PALS1: variants seen among roughly 807,000 people sequenced by gnomAD.
PALS1 encodes protein PALS1.
In PALS1, 31 loss-of-function variants were observed where a neutral mutation model predicts 78.9. That is an observed-to-expected ratio of 0.39 (90% CI 0.30 to 0.53). The LOEUF is 0.53. PALS1 is among the 20% of genes least tolerant of loss of function. The pLI, the probability that PALS1 is intolerant of heterozygous loss-of-function variation, is 0.67. For synonymous variants in PALS1, 276 were observed against 270.9 expected (o/e 1.02, Z -0.18); for missense variants, 704 against 826.5 (o/e 0.85, Z 1.82).
Position 67,243,536 on chromosome 14 carries a change from A to G in PALS1, c.-237+2003A>G, listed in dbSNP as rs929227224. Among the ~76,000 whole-genome samples, 101 of 127,488 alleles carry G rather than the reference A, an allele frequency of 7.9e-4. 5 individuals are homozygous for G. The highest frequency in any genetic ancestry group is 3.1e-5 in the Non-Finnish European group (2 of 63,708). 83.6% of individuals were successfully genotyped at this position (127,488 alleles called of 152,430 possible). A position where few individuals can be genotyped will look rare whatever the true frequency, so the allele number is the denominator to read the frequency against. Reference sequence around the variant, plus strand: ...GAGACGGAGTCTCGCGCTGTCGCCCAGGCTGGAGTGCAGTGGCGCAATCTC... The same window carrying G: ...GAGACGGAGTCTCGCGCTGTCGCCCGGGCTGGAGTGCAGTGGCGCAATCTC... On this transcript the variant is annotated intron_variant, in intron 1 of 14. Transcript: ENST00000261681.
rs371244871 is a variant in PALS1, at chr14:67,302,132, A to G, written c.801+14A>G. Reference sequence around the variant, plus strand: ...GATATTCCGTTGGTAAGTGTCCCACATACTGTTTTTAAACAAGTGCATTTT... The same window carrying G: ...GATATTCCGTTGGTAAGTGTCCCACGTACTGTTTTTAAACAAGTGCATTTT... On this transcript the variant is annotated intron_variant, in intron 6 of 14. Transcript: ENST00000261681. 28 of 1,583,426 alleles carry G rather than the reference A, an allele frequency of 1.8e-5. No individual in the cohort carries two copies. In the African/African-American group the frequency reaches 2.3e-4, roughly 13 times the overall value.
At chr14:67,324,897 A>ATTTTTTTTTT (rs1197663812) in intron 14 of PALS1, among the ~76,000 whole-genome samples, 3 of 76,336 alleles carry the variant, frequency 3.9e-5, no homozygotes, top group East Asian at 4.4e-4. Flanking sequence ...CCTTCCTTTC[A>ATTTTTTTTTT]TTTTTTTTTT....
chr14:67,302,394 A>G lies in PALS1; in HGVS notation c.802-16A>G, dbSNP rs1342173222. On this transcript the variant is annotated splice_polypyrimidine_tract_variant and intron_variant, in intron 6 of 14. Coordinates refer to ENST00000261681, the MANE Select transcript of PALS1 (RefSeq NM_022474.4). ...TATTATTTTTATTTTTAAATTATAC[A>G]TATATATATTTTTAGGGTGCTACAG... 1.4e-6 allele frequency: 2 copies of G among 1,456,842 alleles called. No homozygotes were observed. The highest frequency in any genetic ancestry group is 1.5e-5 in the African/African-American group (1 of 68,256). 90.2% of individuals were successfully genotyped at this position (1,456,842 alleles called of 1,614,324 possible).
intron 2 of PALS1, 144 bp downstream of exon 2, chr14:67,269,927 A>T (rs1051973879): frequency 1.3e-5 from 2 of 152,306 alleles, no homozygotes; most frequent in African/African-American, 4.8e-5. Context: ...GTCAAAGGGC[A>T]TTACTTGCTG....
At chr14:67,323,142 ACATTT>A (rs2085286931) in intron 13 of PALS1, among the ~76,000 whole-genome samples, 1 of 152,022 alleles carries the variant, frequency 6.6e-6, no homozygotes, top group East Asian at 1.9e-4. Context: ...TCATTCACTT[ACATTT>A]CATTACATAA....
intron 8 of PALS1, among the ~76,000 whole-genome samples, chr14:67,305,897 C>G (rs1318231297): frequency 1.3e-5 from 2 of 152,180 alleles, no homozygotes; most frequent in Non-Finnish European, 2.9e-5. Context: ...AACTACTTAA[C>G]TGGAAAATGA....
chr14:67,243,207 G>A (rs1476570714), intron 1 of PALS1, among the ~76,000 whole-genome samples: 2 of 146,698 alleles, frequency 1.4e-5, no homozygotes, highest in Non-Finnish European at 3.0e-5. Context: ...TTTTTTTTGT[G>A]AGACATAGTC....
intron 2 of PALS1, among the ~76,000 whole-genome samples, chr14:67,277,061 A>C (rs935904461): frequency 6.6e-6 from 1 of 152,252 alleles, no homozygotes; most frequent in Non-Finnish European, 1.5e-5. Flanking sequence ...AAAACTAAGC[A>C]TAGCACTGTA....
intron 14 of PALS1, among the ~76,000 whole-genome samples, chr14:67,331,748 C>T (rs2085452741): frequency 6.6e-6 from 1 of 152,096 alleles, no homozygotes; most frequent in East Asian, 1.9e-4. Context: ...ATTTTCATTT[C>T]AACTCCAATA....
intron 14 of PALS1, among the ~76,000 whole-genome samples, chr14:67,331,819 G>A (rs1033811285): frequency 2.0e-5 from 3 of 151,972 alleles, no homozygotes; most frequent in Non-Finnish European, 4.4e-5. Context: ...TTGAGCTTAC[G>A]GTAGACATAA....
intron 2 of PALS1, among the ~76,000 whole-genome samples, chr14:67,275,824 C>G (rs552488645): frequency 3.3e-5 from 5 of 152,036 alleles, no homozygotes; most frequent in Non-Finnish European, 7.4e-5. Context: ...TTCAGGGATT[C>G]GACTTCTTCC....
At position 67,332,954 on chromosome 14, in the gene PALS1, TGAAA is replaced by T. The variant is rs2085472843; in HGVS notation, c.*3_*6del. 6.2e-7 allele frequency: 1 copy of T among 1,602,156 alleles called. No individual in the cohort carries two copies. Among genetic ancestry groups the T allele is most frequent in the African/African-American group, 1.3e-5 (1 of 74,714 alleles). Reference sequence around the variant, plus strand: ...GTGGGTACCATCCACTTGGCTGAGGTGAAAGAAACATCCATTCTGTGGCATGTTG... The same window carrying T: ...GTGGGTACCATCCACTTGGCTGAGGTGAAACATCCATTCTGTGGCATGTTG... On this transcript the variant is annotated stop_retained_variant and 3_prime_UTR_variant, in exon 15 of 15. Coordinates refer to ENST00000261681, the MANE Select transcript of PALS1 (RefSeq NM_022474.4).
intron 8 of PALS1, among the ~76,000 whole-genome samples, chr14:67,310,084 A>G (rs1001231388): frequency 1.3e-5 from 2 of 151,762 alleles, no homozygotes; most frequent in Admixed American, 1.3e-4. Flanking sequence ...TAAAGAAAAC[A>G]TATTTCTAGA....
chr14:67,249,301 T>C (rs2084031876), intron 1 of PALS1, among the ~76,000 whole-genome samples: 1 of 152,142 alleles, frequency 6.6e-6, no homozygotes, highest in Admixed American at 6.5e-5. Flanking sequence ...GCAGGAGAAA[T>C]GACAGTAATT....
intron 1 of PALS1, among the ~76,000 whole-genome samples, chr14:67,250,914 CCTCGCTGTGT>C (rs2084054224): frequency 6.6e-6 from 1 of 152,226 alleles, no homozygotes; most frequent in Admixed American, 6.5e-5. Flanking sequence ...GAATTGTATC[CCTCGCTGTGT>C]CTCTTAATGT....
chr14:67,246,883 C>T (rs2083996731), intron 1 of PALS1, among the ~76,000 whole-genome samples: 2 of 152,112 alleles, frequency 1.3e-5, no homozygotes, highest in South Asian at 4.1e-4. Flanking sequence ...ATCTCCTGAC[C>T]TCGTGATCTG....
intron 8 of PALS1, among the ~76,000 whole-genome samples, chr14:67,306,455 T>C (rs2085005691): frequency 6.6e-6 from 1 of 152,092 alleles, no homozygotes; most frequent in South Asian, 2.1e-4. Flanking sequence ...AGCATTCTCC[T>C]GACTCAGCCT....
intron 2 of PALS1, among the ~76,000 whole-genome samples, chr14:67,274,239 G>T (rs959976620): frequency 6.6e-6 from 1 of 152,054 alleles, no homozygotes; most frequent in African/African-American, 2.4e-5. Context: ...TTTCTTCTAG[G>T]GTTTTTCTGG....
At chr14:67,290,595 A>AC (rs2084756975) in intron 3 of PALS1, among the ~76,000 whole-genome samples, 1 of 152,208 alleles carries the variant, frequency 6.6e-6, no homozygotes, top group Admixed American at 6.5e-5. Context: ...ACAGGATCTC[A>AC]CCATGTTGCC....
Sources: allele counts gnomAD v4.1 joint callset (sites outside exome capture counted in the v4.1 genomes callset), GRCh38; gene constraint gnomAD v4.1.1; transcripts MANE v1.5; gene names NCBI Gene and HGNC (gene_info 2026-07-23, HGNC 2026-07-21).